Variants in FAM169A observed in about 807,000 individuals in gnomAD.
FAM169A encodes the protein soluble lamin-associated protein of 75 kDa.
In FAM169A, 24 loss-of-function variants were observed where a neutral mutation model predicts 75.7. The observed-to-expected ratio is 0.32, with a 90% CI of 0.23 to 0.45. FAM169A has a LOEUF of 0.45. Among genes scored for constraint, FAM169A ranks in the 20% least tolerant of loss-of-function variants. FAM169A has a pLI of 1.00. For synonymous variants in FAM169A, 271 were observed against 271.0 expected (o/e 1.00, Z 0.00); for missense variants, 673 against 784.0 (o/e 0.86, Z 1.69).
chr5:74,850,537 G>A (rs1443852047), intron 1 of FAM169A, among the ~76,000 whole-genome samples: 1 of 152,154 alleles, frequency 6.6e-6, no homozygotes, highest in Non-Finnish European at 1.5e-5. Flanking sequence ...GTGAAAGCTG[G>A]TATAAAATAC....
intron 2 of FAM169A, 25 bp downstream of exon 2, chr5:74,841,520 T>C (rs1341834862): frequency 1.9e-6 from 3 of 1,542,544 alleles, no homozygotes; most frequent in East Asian, 2.3e-5. Flanking sequence ...AAAAGATTGA[T>C]GACAATCACT....
At position 74,866,188 on chromosome 5, in the gene FAM169A, T is replaced by C; in HGVS notation, c.-27A>G. 1 of 983,998 alleles carries C rather than the reference T, an allele frequency of 1.0e-6. No individual in the cohort carries two copies. Among genetic ancestry groups the C allele is most frequent in the Non-Finnish European group, 1.2e-6 (1 of 829,454 alleles). The allele number at this position is 983,998 out of a possible 1,614,324, so 61.0% of individuals were successfully genotyped here. A position where few individuals can be genotyped will look rare whatever the true frequency, so the allele number is the denominator to read the frequency against. Reference sequence around the variant, plus strand: ...ACCTCAGACGCGCCCCGGGAGCCGCTGGAAGAGCCCGGGAAAGGAGGCGGA... The same window carrying C: ...ACCTCAGACGCGCCCCGGGAGCCGCCGGAAGAGCCCGGGAAAGGAGGCGGA... On this transcript the variant is annotated 5_prime_UTR_variant, in exon 1 of 13. Coordinates refer to ENST00000687041, the MANE Select transcript of FAM169A (RefSeq NM_001376049.1).
chr5:74,854,871 C>T lies in FAM169A; in HGVS notation c.-4+11294G>A, dbSNP rs56276104. On this transcript the variant is annotated intron_variant, in intron 1 of 12. Coordinates refer to ENST00000687041, the MANE Select transcript of FAM169A (RefSeq NM_001376049.1). ...CCATTCATTCGATGATTGACACTCA[C>T]GTTGCTTTCAAATCTTAGCTATTAT... Among the ~76,000 whole-genome samples the T allele has an allele frequency of 4.4e-4, 67 of 152,110 alleles. No homozygotes were observed. In the East Asian group the frequency reaches 9.7e-3, roughly 22 times the overall value.
intron 1 of FAM169A, among the ~76,000 whole-genome samples, chr5:74,864,969 A>G (rs1025021199): frequency 4.0e-5 from 6 of 151,736 alleles, no homozygotes; most frequent in Non-Finnish European, 7.3e-5. Context: ...CGTAGTTTGC[A>G]AAGATCATCT....
At chr5:74,797,474 G>C (rs1042373684) in intron 10 of FAM169A, among the ~76,000 whole-genome samples, 1 of 152,180 alleles carries the variant, frequency 6.6e-6, no homozygotes, top group Non-Finnish European at 1.5e-5. Flanking sequence ...ACCGTGCCCA[G>C]CCTAGACCCT....
intron 6 of FAM169A, among the ~76,000 whole-genome samples, chr5:74,805,912 T>G (rs1373704841): frequency 1.7e-5 from 2 of 116,720 alleles, no homozygotes; most frequent in Non-Finnish European, 3.6e-5. Context: ...AATTCAAAAA[T>G]GAAAGAACAA....
intron 5 of FAM169A, 129 bp downstream of exon 5, chr5:74,834,297 A>G (rs2112649992): frequency 2.1e-6 from 1 of 485,150 alleles, no homozygotes; most frequent in East Asian, 3.4e-5. Context: ...AGTACTCCCA[A>G]GAAATACTAA....
In FAM169A at chr5:74,799,876, G is replaced by A. The variant is rs1222895141; in HGVS notation, c.1103+1004C>T. The A allele has an allele frequency of 5.6e-5, 56 of 1,002,158 alleles. No individual in the cohort carries two copies. In the South Asian group the frequency reaches 5.8e-4, roughly 10 times the overall value. 62.1% of individuals were successfully genotyped at this position (1,002,158 alleles called of 1,614,324 possible). ...GACATTCCAAAACAGAGCATCCAAC[G>A]CAACATGTCTGCCATGGAATGCTTC... On this transcript the variant is annotated intron_variant, in intron 10 of 12. Transcript: ENST00000687041.
chr5:74,792,035 C>G (rs1746004650), intron 11 of FAM169A, among the ~76,000 whole-genome samples: 2 of 152,288 alleles, frequency 1.3e-5, no homozygotes, highest in South Asian at 4.2e-4. Context: ...GACATCATAT[C>G]AGCATTAAGT....
chr5:74,824,297 T>C (rs1747908361), intron 5 of FAM169A, among the ~76,000 whole-genome samples: 1 of 152,040 alleles, frequency 6.6e-6, no homozygotes, highest in Non-Finnish European at 1.5e-5. Flanking sequence ...GATAGTGACC[T>C]CAATTGTGTT....
At chr5:74,844,472 A>G (rs1749043764) in intron 1 of FAM169A, among the ~76,000 whole-genome samples, 1 of 152,040 alleles carries the variant, frequency 6.6e-6, no homozygotes, top group Admixed American at 6.6e-5. Context: ...ACAAAAAAAC[A>G]AAAAAAGAAA....
chr5:74,794,591 A>C lies in FAM169A; in HGVS notation c.1260+1439T>G, dbSNP rs1203021416. On this transcript the variant is annotated intron_variant, in intron 11 of 12. Coordinates refer to ENST00000687041, the MANE Select transcript of FAM169A (RefSeq NM_001376049.1). ...CAGGAGATCAACACCATCCTGGCTA[A>C]CACGGTGAAACCCCGTCTCTACAAA... Among the ~76,000 whole-genome samples the C allele has an allele frequency of 4.0e-5, 6 of 151,850 alleles. No individual in the cohort carries two copies. The East Asian group carries it at 1.2e-3, about 30-fold the overall frequency.
intron 6 of FAM169A, among the ~76,000 whole-genome samples, chr5:74,809,850 T>C (rs1747084787): frequency 6.6e-6 from 1 of 152,126 alleles, no homozygotes; most frequent in African/African-American, 2.4e-5. Flanking sequence ...TGTTGGTGAG[T>C]ACACAGAGCA....
intron 5 of FAM169A, among the ~76,000 whole-genome samples, chr5:74,818,316 A>G (rs1470315248): frequency 6.6e-6 from 1 of 152,194 alleles, no homozygotes; most frequent in Non-Finnish European, 1.5e-5. Context: ...AAGAAAAAAA[A>G]GACAACCCAG....
At chr5:74,783,505 A>G (rs936940879) in intron 11 of FAM169A, among the ~76,000 whole-genome samples, 51 of 152,282 alleles carry the variant, frequency 3.3e-4, no homozygotes, top group African/African-American at 1.1e-3. Context: ...CACCAGACAG[A>G]GTATAGACTT....
chr5:74,833,370 G>T (rs552959882), intron 5 of FAM169A, among the ~76,000 whole-genome samples: 4 of 152,198 alleles, frequency 2.6e-5, no homozygotes, highest in Admixed American at 1.3e-4. Context: ...GTATTTTTCT[G>T]AAGTTACAAA....
chr5:74,812,461 AT>A (rs1747251080), intron 6 of FAM169A, among the ~76,000 whole-genome samples: 1 of 149,494 alleles, frequency 6.7e-6, no homozygotes, highest in African/African-American at 2.5e-5. Context: ...TTTTTTTTTA[AT>A]TGAGGTGAGG....
intron 10 of FAM169A, chr5:74,798,933 CTCCAAGACCG>C (rs1746417028): frequency 1.3e-6 from 1 of 788,808 alleles, no homozygotes; most frequent in East Asian, 2.8e-5. Context: ...AAATCCTCTG[CTCCAAGACCG>C]TCCGGACTGC....
chr5:74,866,793 C>A, upstream of FAM169A: 1 of 985,576 alleles, frequency 1.0e-6, no homozygotes, highest in Non-Finnish European at 1.2e-6. Context: ...AGTTCTCCAG[C>A]CCCGCGTAGG....
Sources: allele counts gnomAD v4.1 joint callset (sites outside exome capture counted in the v4.1 genomes callset), GRCh38; gene constraint gnomAD v4.1.1; transcripts MANE v1.5; gene names NCBI Gene and HGNC (gene_info 2026-07-23, HGNC 2026-07-21).